MFN1: variants seen among roughly 807,000 people sequenced by gnomAD.
MFN1 encodes mitofusin 1, also known as mitofusin-1.
A neutral mutation model predicts 92.4 loss-of-function variants in MFN1; 65 were observed. The ratio of observed to expected loss-of-function variants is 0.70; its 90% CI spans 0.58 to 0.86. MFN1 has a LOEUF of 0.86. MFN1 is among the 40% of genes least tolerant of loss of function. The pLI is 0.00. For synonymous variants in MFN1, 297 were observed against 300.9 expected (o/e 0.99, Z 0.13); for missense variants, 781 against 868.0 (o/e 0.90, Z 1.26).
intron 9 of MFN1, among the ~76,000 whole-genome samples, chr3:179,373,547 T>G (rs994596076): frequency 6.6e-6 from 1 of 152,132 alleles, no homozygotes; most frequent in African/African-American, 2.4e-5. Flanking sequence ...AAATTTATCA[T>G]AGAAAATAAA....
chr3:179,359,057 A>T, intron 4 of MFN1, 55 bp downstream of exon 4: 2 of 1,459,034 alleles, frequency 1.4e-6, no homozygotes, highest in African/African-American at 1.4e-5. Context: ...TCCTGAACTT[A>T]TTCTTTAATA....
rs1712838728 is a variant in MFN1 at position 179,367,446 on chromosome 3, G to C, written c.761G>C (p.Arg254Thr). 3 of 1,609,972 alleles carry C rather than the reference G, an allele frequency of 1.9e-6. No homozygotes were observed. The change falls in exon 8 of 18, where the codon AGA becomes ACA. Residue 254 changes from arginine to threonine, a missense_variant. By Grantham distance (71) the Arg-to-Thr change is moderately conservative. Transcript: ENST00000471841. ...SEPEYMEDVR[R>T]QHMERCLHFL... ...ATACCGTTTTCTCTGTAGGTACGCA[G>C]ACAGCACATGGAAAGATGCCTGCAT...
chr3:179,379,568 G>A (rs968345961), intron 14 of MFN1, among the ~76,000 whole-genome samples: 2 of 152,080 alleles, frequency 1.3e-5, no homozygotes, highest in African/African-American at 4.8e-5. Flanking sequence ...TGGCCAGACT[G>A]GTCTCGAACT....
In MFN1 at chr3:179,377,082, CT is replaced by C. The variant is rs1488153047; in HGVS notation, c.1139del (p.Leu380ArgfsTer8). ...VEEREDQIDRLDFIRNQMNLL... is the reference protein window; with the variant it reads ...VEEREDQIDRXDFIRNQMNLL... ...AGAGAGGGAAGACCAAATTGATAGA[CT>C]GGACTTTATTCGAAACCAGATGAAC... On this transcript the variant is annotated frameshift_variant, in exon 11 of 18. Transcript: ENST00000471841. LOFTEE classifies it high-confidence loss of function. 1.2e-6 allele frequency: 2 copies of C among 1,613,644 alleles called. No homozygotes were observed. Among genetic ancestry groups the C allele is most frequent in the South Asian group, 2.2e-5 (2 of 91,064 alleles).
intron 15 of MFN1, 65 bp downstream of exon 15, chr3:179,385,786 A>G (rs992611281): frequency 6.8e-7 from 1 of 1,467,438 alleles, no homozygotes; most frequent in East Asian, 2.3e-5. Context: ...GTTAGCTCAC[A>G]AAAGAAAAGG....
intron 17 of MFN1, among the ~76,000 whole-genome samples, chr3:179,391,731 C>G (rs1273763571): frequency 6.6e-6 from 1 of 152,126 alleles, no homozygotes; most frequent in South Asian, 2.1e-4. Flanking sequence ...GCCATTGCCG[C>G]TGTAACATCT....
intron 1 of MFN1, 97 bp from the exon 2 acceptor site, chr3:179,348,748 T>C (rs1712020204): frequency 6.6e-7 from 1 of 1,508,590 alleles, no homozygotes; most frequent in Non-Finnish European, 9.0e-7. Flanking sequence ...GCATAATTTA[T>C]TTCATTGGGG....
chr3:179,359,131 T>C (rs1712464435), intron 4 of MFN1, 129 bp downstream of exon 4: 8 of 1,161,676 alleles, frequency 6.9e-6, no homozygotes, highest in South Asian at 4.7e-5. Flanking sequence ...ATTTTTCTTT[T>C]TTTTTTTAGA....
chr3:179,377,669 C>T (rs1713293863), intron 12 of MFN1, among the ~76,000 whole-genome samples: 1 of 152,294 alleles, frequency 6.6e-6, no homozygotes, highest in Admixed American at 6.5e-5. Context: ...CACAGTGGCT[C>T]ATGCCTGTAA....
At chr3:179,353,462 C>T (rs915076559) in intron 3 of MFN1, among the ~76,000 whole-genome samples, 1 of 152,150 alleles carries the variant, frequency 6.6e-6, no homozygotes, top group African/African-American at 2.4e-5. Context: ...CTCACCTCGG[C>T]CTCCCAAAGT....
chr3:179,359,436 T>G (rs1316051385), intron 4 of MFN1, among the ~76,000 whole-genome samples: 1 of 146,184 alleles, frequency 6.8e-6, no homozygotes, highest in Non-Finnish European at 1.5e-5. Flanking sequence ...TTTTTTTTTT[T>G]TTGACACTGA....
chr3:179,351,856 A>G (rs1328630347), intron 2 of MFN1, 44 bp from the exon 3 acceptor site: 5 of 1,554,028 alleles, frequency 3.2e-6, no homozygotes, highest in Non-Finnish European at 4.4e-6. Flanking sequence ...AACTAACTTA[A>G]TATTCATTTA....
rs536513242 is a variant in MFN1 at position 179,384,970 on chromosome 3, A to G, written c.1663-599A>G. Among the ~76,000 whole-genome samples, 181 of 136,020 alleles carry G rather than the reference A, an allele frequency of 1.3e-3. 1 individual carries two copies. The highest frequency in any genetic ancestry group is 2.0e-3 in the Non-Finnish European group (132 of 66,088). 89.2% of individuals were successfully genotyped at this position (136,020 alleles called of 152,430 possible). ...GTCCAGACTGGAGTGCAGTGGTGCA[A>G]TCTCGGCTCACTGCAAGCTCTGCCT... On this transcript the variant is annotated intron_variant, in intron 14 of 17. Transcript: ENST00000471841.
In MFN1 at chr3:179,365,967, C is replaced by T. The variant is rs115649463; in HGVS notation, c.753+742C>T. Among the ~76,000 whole-genome samples, 314 of 152,262 alleles carry T rather than the reference C, an allele frequency of 2.1e-3. 2 individuals carry two copies. Among genetic ancestry groups the T allele is most frequent in the African/African-American group, 6.9e-3 (287 of 41,536 alleles). Reference sequence around the variant, plus strand: ...GTATTCAGTTATGAATGCTACTGTGCATATGCTTGTATATGTCCTTCTGGT... The same window carrying T: ...GTATTCAGTTATGAATGCTACTGTGTATATGCTTGTATATGTCCTTCTGGT... On this transcript the variant is annotated intron_variant, in intron 7 of 17. Coordinates refer to ENST00000471841, the MANE Select transcript of MFN1 (RefSeq NM_033540.3).
intron 16 of MFN1, among the ~76,000 whole-genome samples, chr3:179,388,215 A>C (rs901739997): frequency 3.9e-5 from 6 of 152,176 alleles, no homozygotes; most frequent in African/African-American, 1.4e-4. Context: ...TTAATAAAGA[A>C]AACTGAATGA....
rs1201421504 is a variant in MFN1, at chr3:179,378,614, A to T, written c.1462A>T (p.Ile488Leu). ...ENLKPLLPAG[I>L]QDKLHTLIPC... ...TTTGAAGCCATTACTTCCAGCTGGTATACAGGATAAACTACATACACTGAT... is the reference window on the plus strand; with the variant it reads ...TTTGAAGCCATTACTTCCAGCTGGTTTACAGGATAAACTACATACACTGAT... Residue 488 changes from isoleucine to leucine, a missense_variant, in exon 14 of 18, where the codon ATA becomes TTA. By Grantham distance (5) the Ile-to-Leu change is conservative. Coordinates refer to ENST00000471841, the MANE Select transcript of MFN1 (RefSeq NM_033540.3). 6.2e-7 allele frequency: 1 copy of T among 1,612,840 alleles called. No homozygotes were observed. Among genetic ancestry groups the T allele is most frequent in the Non-Finnish European group, 8.5e-7 (1 of 1,179,346 alleles).
In MFN1 at chr3:179,362,360, A is replaced by T; in HGVS notation, c.414A>T (p.Thr138=). Residue 138 remains threonine (T), a splice_region_variant and synonymous_variant, in exon 5 of 18, where the codon ACA becomes ACT. Transcript: ENST00000471841. ...TTTTTCTTTTCCTCCTGCTTTAGAC[A>T]GTTAATCAACTGGCCCATGCCCTTC... ...EGSDEKKSVK[T]VNQLAHALHM... 6.2e-7 allele frequency: 1 copy of T among 1,605,384 alleles called. No individual in the cohort carries two copies. Among genetic ancestry groups the T allele is most frequent in the Non-Finnish European group, 8.5e-7 (1 of 1,177,258 alleles).
Position 179,367,519 on chromosome 3 carries a change from T to C in MFN1, c.834T>C (p.Asn278=), listed in dbSNP as rs759312751. The C allele has an allele frequency of 1.2e-6, 2 of 1,613,984 alleles. No individual in the cohort carries two copies. Among genetic ancestry groups the C allele is most frequent in the Non-Finnish European group, 1.7e-6 (2 of 1,179,940 alleles). Residue 278 remains asparagine, a synonymous_variant, in exon 8 of 18, where the codon AAT becomes AAC. Transcript: ENST00000471841. ...LKVVNALEAQ[N]RIFFVSAKEV... ...TTGTAAATGCTTTAGAAGCACAGAA[T>C]CGTATCTTCTTTGTTTCAGCAAAGG...
At chr3:179,370,690 G>C (rs76748321) in intron 9 of MFN1, among the ~76,000 whole-genome samples, 28,297 of 152,036 alleles carry the variant, frequency 0.19, 3,134 homozygotes, top group East Asian at 0.36. Flanking sequence ...GACTACAGGC[G>C]TGAGCCACCG....
Sources: gnomAD v4.1 joint callset for allele counts (sites outside exome capture counted in the v4.1 genomes callset) on GRCh38, gnomAD v4.1.1 for gene constraint, MANE v1.5 for transcripts, NCBI Gene and HGNC (gene_info 2026-07-23, HGNC 2026-07-21) for gene names.